Variants in SMC2 observed in about 807,000 individuals in gnomAD.
SMC2 encodes structural maintenance of chromosomes protein 2.
SMC2 carries 41 observed loss-of-function variants against 142.6 expected under a neutral mutation model. The observed-to-expected ratio is 0.29, with a 90% CI of 0.22 to 0.37. The LOEUF is 0.37. SMC2 is among the 10% of genes least tolerant of loss of function. The pLI is 1.00. For missense variants in SMC2, 1,265 were observed against 1,373.7 expected (o/e 0.92, Z 1.25); for synonymous variants, 463 against 457.5 (o/e 1.01, Z -0.15).
intron 16 of SMC2, among the ~76,000 whole-genome samples, chr9:104,122,870 A>ATAGT (rs1389863134): frequency 6.6e-6 from 1 of 152,104 alleles, no homozygotes; most frequent in East Asian, 1.9e-4. Context: ...TCTAATGTAA[A>ATAGT]TAGTTGTTAC....
upstream of SMC2, among the ~76,000 whole-genome samples, chr9:104,089,554 A>G (rs1205554760): frequency 1.3e-5 from 2 of 152,200 alleles, no homozygotes; most frequent in East Asian, 1.9e-4. Context: ...AGCTCTGGCT[A>G]TTAACCAGCA....
At chr9:104,098,244 A>G (rs953729397) in intron 3 of SMC2, among the ~76,000 whole-genome samples, 1 of 152,234 alleles carries the variant, frequency 6.6e-6, no homozygotes, top group Non-Finnish European at 1.5e-5. Context: ...ACTAGTTACC[A>G]AAAGTACTTG....
chr9:104,107,529 C>G (rs1355922378), intron 9 of SMC2, among the ~76,000 whole-genome samples: 1 of 150,932 alleles, frequency 6.6e-6, no homozygotes, highest in Non-Finnish European at 1.5e-5. Flanking sequence ...GTCCGCTGTT[C>G]AAAGTTGGCA....
At chr9:104,092,148 T>C (rs1829993064), upstream of SMC2, 1 of 152,192 alleles carries the variant, frequency 6.6e-6, no homozygotes, top group African/African-American at 2.4e-5. Context: ...TCAAGTCCAT[T>C]TGTCTTATAT....
intron 9 of SMC2, among the ~76,000 whole-genome samples, chr9:104,107,961 C>T (rs567267580): frequency 5.5e-4 from 83 of 152,120 alleles, no homozygotes; most frequent in Non-Finnish European, 9.0e-4. Context: ...ATATGCACCA[C>T]TGGTATAGCT....
In SMC2 at chr9:104,118,312, A is replaced by G. The variant is rs746877120; in HGVS notation, c.1933A>G (p.Ile645Val). Residue 645 changes from isoleucine (I) to valine (V), a missense_variant, in exon 15 of 25, where the codon ATA becomes GTA. Physicochemically the swap from Ile to Val is conservative, Grantham distance 29. This residue lies in a region of SMC2 where 898 missense variants were observed against 904.2 expected (regional missense o/e 0.99). Transcript: ENST00000374793. The stretch of plus-strand genomic sequence containing the variant: ...CAAAAAAGTGGCCTTTGATAAGAGG[A>G]TAATGACTAGAACTGTAACTCTCGG... Reference protein sequence around the residue: ...NAKKVAFDKRIMTRTVTLGGD... With the variant: ...NAKKVAFDKRVMTRTVTLGGD... 2 of 1,613,674 alleles carry G rather than the reference A, an allele frequency of 1.2e-6. No homozygotes were observed. The highest frequency in any genetic ancestry group is 1.3e-5 in the African/African-American group (1 of 74,904).
In SMC2 at chr9:104,100,226, T is replaced by C. The variant is rs187865760; in HGVS notation, c.591+23T>C. 718 of 1,483,782 alleles carry C rather than the reference T, an allele frequency of 4.8e-4. 1 individual carries two copies. In the African/African-American group the frequency reaches 9.5e-3, roughly 20 times the overall value. The allele number at this position is 1,483,782 out of a possible 1,614,324, so 91.9% of individuals were successfully genotyped here. ...ACGGTAATTTAATTCATATAAAATA[T>C]TTTCGGAGAAGAATGTAATTTTGCA... On this transcript the variant is annotated intron_variant, in intron 6 of 24. Transcript: ENST00000374793.
chr9:104,114,151 G>A, intron 12 of SMC2, 70 bp downstream of exon 12: 1 of 997,568 alleles, frequency 1.0e-6, no homozygotes, highest in South Asian at 1.8e-5. Context: ...TGGAAGCAGT[G>A]TGAAAATTTT....
At chr9:104,125,649 G>C (rs1834186552) in intron 18 of SMC2, among the ~76,000 whole-genome samples, 1 of 152,102 alleles carries the variant, frequency 6.6e-6, no homozygotes, top group African/African-American at 2.4e-5. Flanking sequence ...GATTCAGCAA[G>C]TTGACATTTT....
rs914031625 is a variant in SMC2 at position 104,095,625 on chromosome 9, C to T, written c.168+73C>T. The T allele has an allele frequency of 1.8e-5, 21 of 1,193,806 alleles. No homozygotes were observed. In the African/African-American group the frequency reaches 2.4e-4, roughly 14 times the overall value. The allele number at this position is 1,193,806 out of a possible 1,614,324, so 74.0% of individuals were successfully genotyped here. ...ATCCTCACTGAACTTTGGAGACGTC[C>T]CGATATTCTCTTCATTTGTGTTTTT... On this transcript the variant is annotated intron_variant, in intron 2 of 24. Coordinates refer to ENST00000374793, the MANE Select transcript of SMC2 (RefSeq NM_006444.3).
intron 24 of SMC2, 39 bp from the exon 25 acceptor site, chr9:104,139,100 A>G: frequency 7.0e-7 from 1 of 1,438,408 alleles, no homozygotes. Context: ...CAAGTATATC[A>G]CAAAAAGTTT....
chr9:104,131,850 A>G (rs948626481), intron 21 of SMC2, among the ~76,000 whole-genome samples, 159 bp from the exon 22 acceptor site: 1 of 152,076 alleles, frequency 6.6e-6, no homozygotes, highest in African/African-American at 2.4e-5. Context: ...TATGTATAGT[A>G]TATGAGTATA....
At chr9:104,122,133 T>C (rs1833808963) in intron 16 of SMC2, among the ~76,000 whole-genome samples, 1 of 152,242 alleles carries the variant, frequency 6.6e-6, no homozygotes, top group African/African-American at 2.4e-5. Flanking sequence ...ATGTGGAAGC[T>C]CTAACAAGGT....
intron 12 of SMC2, 24 bp from the exon 13 acceptor site, chr9:104,114,667 T>G: frequency 6.3e-7 from 1 of 1,596,866 alleles, no homozygotes; most frequent in Non-Finnish European, 8.6e-7. Flanking sequence ...CTAAGATTAA[T>G]TTTTGTCAAC....
intron 22 of SMC2, among the ~76,000 whole-genome samples, chr9:104,133,322 C>A (rs7868387): frequency 0.057 from 8,624 of 152,100 alleles, 655 homozygotes; most frequent in African/African-American, 0.18. Context: ...TCTCTTGGTC[C>A]TGAGCTGCCT....
chr9:104,093,224 C>T (rs1830084655), upstream of SMC2, among the ~76,000 whole-genome samples: 1 of 152,136 alleles, frequency 6.6e-6, no homozygotes, highest in African/African-American at 2.4e-5. Context: ...CATACCCATT[C>T]GGAGTTAAGC....
Position 104,126,700 on chromosome 9 carries a change from A to T in SMC2, c.2511A>T (p.Lys837Asn). ...EELKREHTSY[K>N]QQLEAVNEAI... ...TCAAGAGAGAGCATACATCTTACAA[A>T]CAACAGCTTGAAGCTGTAAATGAAG... is the stretch of plus-strand genomic sequence containing the variant. The change falls in exon 19 of 25, where the codon AAA becomes AAT. Residue 837 changes from lysine to asparagine, a missense_variant. Coordinates refer to ENST00000374793, the MANE Select transcript of SMC2 (RefSeq NM_006444.3). 4 of 1,612,744 alleles carry T rather than the reference A, an allele frequency of 2.5e-6. No homozygotes were observed. The highest frequency in any genetic ancestry group is 2.2e-5 in the East Asian group (1 of 44,836).
chr9:104,136,899 G>C (rs112902328), intron 23 of SMC2, among the ~76,000 whole-genome samples: 8,590 of 151,734 alleles, frequency 0.057, 641 homozygotes, highest in African/African-American at 0.18. Flanking sequence ...AATCCCAGCA[G>C]TTTGGGAGGC....
chr9:104,122,962 C>T (rs6479215), intron 16 of SMC2, 146 bp from the exon 17 acceptor site: 383,945 of 728,856 alleles, frequency 0.53, 104,798 homozygotes, highest in Middle Eastern at 0.58. Flanking sequence ...ACTTGAAAGC[C>T]GTCAAAATTA....
Sources: gnomAD v4.1 joint callset for allele counts (sites outside exome capture counted in the v4.1 genomes callset) on GRCh38, gnomAD v4.1.1 for gene constraint, gnomAD v4.1.1 regional missense constraint, MANE v1.5 for transcripts, NCBI Gene and HGNC (gene_info 2026-07-23, HGNC 2026-07-21) for gene names.